The following DOCK5 variants were observed in gnomAD, a reference collection of about 807,000 sequenced individuals.
DOCK5 encodes dedicator of cytokinesis 5, also known as dedicator of cytokinesis protein 5.
A neutral mutation model predicts 251.8 loss-of-function variants in DOCK5; 142 were observed. The observed-to-expected ratio is 0.56, with a 90% confidence interval of 0.49 to 0.65. The LOEUF is 0.65. Ranked by LOEUF, DOCK5 falls within the 30% of genes least tolerant of loss-of-function variation. The pLI is 0.00. For missense variants in DOCK5, 2,111 were observed against 2,312.3 expected, an observed-to-expected ratio of 0.91 and a Z score of 1.79; for synonymous variants, 842 against 835.5, an observed-to-expected ratio of 1.01 and a Z score of -0.13.
chr8:25,362,115 C>T (rs535268890), intron 28 of DOCK5, among the ~76,000 whole-genome samples: 4 of 152,338 alleles, frequency 2.6e-5, no homozygotes, highest in African/African-American at 9.6e-5. Flanking sequence ...TCACCAGCCA[C>T]TGTTACGATC....
At chr8:25,280,061 C>T (rs1013601088) in intron 5 of DOCK5, among the ~76,000 whole-genome samples, 9 of 152,132 alleles carry the variant, frequency 5.9e-5, no homozygotes, top group African/African-American at 1.9e-4. Flanking sequence ...CACTGTGCCC[C>T]GCCCACAAAG....
chr8:25,408,115 C>G lies in DOCK5; in HGVS notation c.5226C>G (p.Ser1742=), dbSNP rs1272924186. The G allele has an allele frequency of 1.3e-6, 2 of 1,598,470 alleles. No individual in the cohort carries two copies. The highest frequency in any genetic ancestry group is 1.7e-5 in the Admixed American group (1 of 57,250). The stretch of plus-strand genomic sequence containing the variant: ...GAAAAGACTGGAGTCTGAGCAAGTC[C>G]CAGGTCATTGCAGAGAAAGCACCAG... ...FKRKDWSLSK[S]QVIAEKAPEP... Residue 1742 remains serine (S), a synonymous_variant, in exon 49 of 52, where the codon TCC becomes TCG. Coordinates refer to ENST00000276440, the MANE Select transcript of DOCK5 (RefSeq NM_024940.8).
rs1298804149 is a variant in DOCK5, at chr8:25,374,646, CT to C, written c.3810del (p.Leu1271CysfsTer50). 6.2e-7 allele frequency: 1 copy of C among 1,613,746 alleles called. No individual in the cohort carries two copies. Among genetic ancestry groups the C allele is most frequent in the Admixed American group, 1.7e-5 (1 of 59,990 alleles). On this transcript the variant is annotated frameshift_variant, in exon 37 of 52. Coordinates refer to ENST00000276440, the MANE Select transcript of DOCK5 (RefSeq NM_024940.8). LOFTEE classifies it high-confidence loss of function. ...AAYTLLLHAE[L>X]LQWSDKPCVP... is the part of the protein sequence containing the mutation. ...CTACACGCTTCTCTTGCACGCTGAG[CT>C]TCTGCAGGTGAATGGCTCAGAGAGC...
At chr8:25,330,667 G>A (rs532449854) in intron 18 of DOCK5, among the ~76,000 whole-genome samples, 14 of 152,284 alleles carry the variant, frequency 9.2e-5, no homozygotes, top group Non-Finnish European at 1.8e-4. Context: ...TAGGCACTAG[G>A]TTTTGGAGGG....
intron 1 of DOCK5, among the ~76,000 whole-genome samples, chr8:25,225,685 GAC>G (rs760547477): frequency 4.7e-5 from 7 of 148,478 alleles, no homozygotes; most frequent in East Asian, 2.0e-4. Flanking sequence ...TGGCCTGGGC[GAC>G]AGAGTGAGAC....
chr8:25,223,510 T>A (rs879683611), intron 1 of DOCK5, among the ~76,000 whole-genome samples: 2 of 152,210 alleles, frequency 1.3e-5, no homozygotes, highest in Non-Finnish European at 2.9e-5. Context: ...AGATGAGGTC[T>A]CGCTCTGCTG....
intron 18 of DOCK5, among the ~76,000 whole-genome samples, chr8:25,325,978 C>G (rs574272004): frequency 6.6e-6 from 1 of 152,008 alleles, no homozygotes; most frequent in African/African-American, 2.4e-5. Context: ...GAGTTCTGTC[C>G]TTCCCTCCTA....
intron 9 of DOCK5, among the ~76,000 whole-genome samples, chr8:25,302,090 A>C (rs1437548781): frequency 6.6e-6 from 1 of 152,188 alleles, no homozygotes; most frequent in Non-Finnish European, 1.5e-5. Flanking sequence ...CTGATTTGTA[A>C]ATTTGAAGTA....
rs183519968 is a variant in DOCK5 at position 25,278,365 on chromosome 8, C to T, written c.225-204C>T. On this transcript the variant is annotated intron_variant, in intron 4 of 51. Transcript: ENST00000276440. The stretch of plus-strand genomic sequence containing the variant: ...CCGCAGGCTCATTCAGTTGCAGGAA[C>T]GGAGCCCATTTTGAGGACTGTGCTG... 2.0e-5 allele frequency among the ~76,000 whole-genome samples: 3 copies of T among 152,276 alleles called. No homozygotes were observed. The East Asian group carries it at 5.8e-4, about 29-fold the overall frequency.
At position 25,242,439 on chromosome 8, in the gene DOCK5, T is replaced by C. The variant is rs190887270; in HGVS notation, c.44-1235T>C. Reference sequence around the variant, plus strand: ...TATCATGTTACATTCCTACCAGCAATGCGGGAGAGTTCTAGTTTCTCCACA... The same window carrying C: ...TATCATGTTACATTCCTACCAGCAACGCGGGAGAGTTCTAGTTTCTCCACA... On this transcript the variant is annotated intron_variant, in intron 1 of 51. Transcript: ENST00000276440. 4.0e-3 allele frequency among the ~76,000 whole-genome samples: 612 copies of C among 152,338 alleles called. 2 individuals carry two copies. Among genetic ancestry groups the C allele is most frequent in the Non-Finnish European group, 6.0e-3 (408 of 68,038 alleles).
chr8:25,324,464 A>G (rs1278821246), intron 17 of DOCK5, among the ~76,000 whole-genome samples: 1 of 152,236 alleles, frequency 6.6e-6, no homozygotes, highest in East Asian at 1.9e-4. Flanking sequence ...ATTTTAGAGT[A>G]TAAAGTAGAT....
At chr8:25,400,874 A>G (rs1404436443) in intron 46 of DOCK5, 55 bp from the exon 47 acceptor site, 4 of 1,604,878 alleles carry the variant, frequency 2.5e-6, no homozygotes, top group Non-Finnish European at 3.4e-6. Context: ...CAACCAAATC[A>G]AAACGATCCC....
chr8:25,380,534 GA>G (rs1801047073), intron 39 of DOCK5, 140 bp downstream of exon 39: 1 of 702,388 alleles, frequency 1.4e-6, no homozygotes, highest in Non-Finnish European at 2.4e-6. Context: ...AAATGAGAAT[GA>G]AAAAAGATGT....
At chr8:25,400,707 C>A (rs987804830) in intron 46 of DOCK5, among the ~76,000 whole-genome samples, 1 of 152,112 alleles carries the variant, frequency 6.6e-6, no homozygotes, top group Non-Finnish European at 1.5e-5. Flanking sequence ...CACAGTCCTT[C>A]CCCAGTTTAG....
chr8:25,341,416 T>G lies in DOCK5; in HGVS notation c.2440-323T>G, dbSNP rs1035524939. On this transcript the variant is annotated intron_variant, in intron 23 of 51. Transcript: ENST00000276440. The stretch of plus-strand genomic sequence containing the variant: ...AAGGCTCAAATGTGAACTTTACTAT[T>G]AATATTTATTTTTTGCTCTTTATGG... Among the ~76,000 whole-genome samples the G allele has an allele frequency of 2.0e-5, 3 of 152,198 alleles. No individual in the cohort carries two copies. In the South Asian group the frequency reaches 6.2e-4, roughly 32 times the overall value.
In DOCK5 at chr8:25,363,120, T is replaced by C; in HGVS notation, c.3023T>C (p.Val1008Ala). The C allele has an allele frequency of 6.2e-7, 1 of 1,614,028 alleles. No homozygotes were observed. The highest frequency in any genetic ancestry group is 1.1e-5 in the South Asian group (1 of 91,090). ...AATGTCTATGCCAAAGATTGGATGGTGATGAATATGACTCAAAACAGGTGA... is the reference window on the plus strand; with the variant it reads ...AATGTCTATGCCAAAGATTGGATGGCGATGAATATGACTCAAAACAGGTGA... Reference protein sequence around the residue: ...GKNVYAKDWMVMNMTQNRVFL... With the variant: ...GKNVYAKDWMAMNMTQNRVFL... The change falls in exon 29 of 52, where the codon GTG (valine) becomes GCG (alanine). Residue 1008 changes from valine to alanine, a missense_variant. Physicochemically the swap from Val to Ala is moderately conservative, Grantham distance 64 (BLOSUM62 0). Around this residue, in one of 3 missense-constraint regions of DOCK5, gnomAD observed 1,717 missense variants for 1,892.4 expected, o/e 0.91. Transcript: ENST00000276440.
intron 49 of DOCK5, among the ~76,000 whole-genome samples, chr8:25,408,406 C>G (rs374824411): frequency 6.6e-5 from 10 of 152,278 alleles, no homozygotes; most frequent in African/African-American, 2.4e-4. Flanking sequence ...ATGCTTAGAG[C>G]TGTCGTTCTT....
At chr8:25,296,379 T>G (rs1459654188) in intron 6 of DOCK5, 134 bp from the exon 7 acceptor site, 1 of 1,120,840 alleles carries the variant, frequency 8.9e-7, no homozygotes, top group Non-Finnish European at 1.2e-6. Flanking sequence ...GAAAAGTCAA[T>G]GAGGTGTGCT....
At chr8:25,388,914 G>T in intron 40 of DOCK5, 177 bp from the exon 41 acceptor site, 1 of 597,018 alleles carries the variant, frequency 1.7e-6, no homozygotes, top group Non-Finnish European at 2.9e-6. Context: ...CCAATAAACC[G>T]CAGCTCTTGT....
Sources: gnomAD v4.1 joint callset for allele counts (sites outside exome capture counted in the v4.1 genomes callset) on GRCh38, gnomAD v4.1.1 for gene constraint, gnomAD v4.1.1 regional missense constraint, MANE v1.5 for transcripts, NCBI Gene and HGNC (gene_info 2026-07-23, HGNC 2026-07-21) for gene names.